Variants in MGAM observed in about 807,000 individuals in gnomAD.
MGAM encodes the protein alpha-1,4-glucosidase.
In MGAM, 253 loss-of-function variants were observed where a neutral mutation model predicts 358.8. The observed-to-expected ratio is 0.71, with a 90% CI of 0.64 to 0.78. The LOEUF (loss-of-function observed/expected upper bound fraction) is 0.78. Among genes scored for constraint, MGAM ranks in the 30% least tolerant of loss-of-function variants. The pLI is 0.00. For synonymous variants in MGAM, 1,105 were observed against 1,227.1 expected (o/e 0.90, Z 2.08); for missense variants, 3,080 against 3,432.6 (o/e 0.90, Z 2.57).
intron 42 of MGAM, among the ~76,000 whole-genome samples, chr7:142,067,941 T>TATATATATATATATATAA (rs1812915997): frequency 5.3e-5 from 2 of 37,478 alleles, no homozygotes; most frequent in African/African-American, 1.5e-4. Context: ...CTCAAATATA[T>TATATATATATATATATAA]ATATATATAT....
chr7:142,064,332 G>A (rs1261249678), intron 36 of MGAM, 52 bp from the exon 37 acceptor site: 1 of 1,573,322 alleles, frequency 6.4e-7, no homozygotes, highest in African/African-American at 1.4e-5. Context: ...AGAGAAGTCA[G>A]GGAGAAACAG....
rs757004173 is a variant in MGAM, at chr7:142,092,521, G to T, written c.6946G>T (p.Asp2316Tyr). The change falls in exon 59 of 71, where the codon GAT becomes TAT. Residue 2316 changes from aspartate (D) to tyrosine (Y), a missense_variant and splice_region_variant. Around this residue, in one of 5 missense-constraint regions of MGAM, gnomAD observed 932 missense variants for 1,198.2 expected, o/e 0.78. Coordinates refer to ENST00000475668, the MANE Select transcript of MGAM (RefSeq NM_001365693.1). Reference protein sequence around the residue: ...RSLKFDGMWIDMNEPSSFVNG... With the variant: ...RSLKFDGMWIYMNEPSSFVNG... ...GTATGTCTGTGTTTGGCATTTCTAG[G>T]ATATGAATGAACCATCAAGCTTCGT... 1.6e-5 allele frequency: 25 copies of T among 1,545,128 alleles called. 3 individuals carry two copies. Among genetic ancestry groups the T allele is most frequent in the Admixed American group, 3.5e-5 (2 of 57,174 alleles).
rs1197988019 is a variant in MGAM at position 142,076,186 on chromosome 7, C to T, written c.5276-17C>T. 22 of 1,537,694 alleles carry T rather than the reference C, an allele frequency of 1.4e-5. 6 individuals carry two copies. The highest frequency in any genetic ancestry group is 2.3e-5 in the East Asian group (1 of 43,872). On this transcript the variant is annotated splice_polypyrimidine_tract_variant and intron_variant, in intron 45 of 70. Coordinates refer to ENST00000475668, the MANE Select transcript of MGAM (RefSeq NM_001365693.1). ...GTGGGCAAGCCGGAGTCTGACTTGT[C>T]TTTCTGTCACTTTCAGATACTGTGG...
rs574395994 is a variant in MGAM, at chr7:142,092,008, G to C, written c.6906G>C (p.Gln2302His). ...REIEELYNNP[Q>H]NPERSLKFDG... The stretch of plus-strand genomic sequence containing the variant: ...TAGAAGAACTATACAACAATCCACA[G>C]AATCCAGAGAGGAGCTTGAAGTTTG... Residue 2302 changes from glutamine to histidine, a missense_variant, in exon 58 of 71, where the codon CAG becomes CAC. Physicochemically the swap from Gln to His is conservative, Grantham distance 24 (BLOSUM62 0). Transcript: ENST00000475668. The C allele has an allele frequency of 2.3e-4, 358 of 1,534,550 alleles. 11 individuals carry two copies. The African/African-American group carries it at 3.9e-3, about 17-fold the overall frequency.
In MGAM at chr7:142,058,257, C is replaced by G. The variant is rs377213841; in HGVS notation, c.3748C>G (p.Arg1250Gly). The change falls in exon 31 of 71, where the codon CGC (arginine) becomes GGC (glycine). Residue 1250 changes from arginine to glycine, a missense_variant. Around this residue, in one of 5 missense-constraint regions of MGAM, gnomAD observed 1,816 missense variants for 1,840.5 expected, o/e 0.99. Transcript: ENST00000475668. ...CTGGTCTTTGGGGTTCCAGCTGTGT[C>G]GCTATGGCTACCAGAATGACTCTGA... ...PYWSLGFQLC[R>G]YGYQNDSEIA... 6 of 1,613,838 alleles carry G rather than the reference C, an allele frequency of 3.7e-6. No individual in the cohort carries two copies. Among genetic ancestry groups the G allele is most frequent in the Non-Finnish European group, 5.1e-6 (6 of 1,179,814 alleles).
intron 10 of MGAM, among the ~76,000 whole-genome samples, chr7:142,028,845 G>A (rs947675924): frequency 4.0e-5 from 6 of 151,512 alleles, no homozygotes; most frequent in Admixed American, 3.3e-4. Flanking sequence ...ATTTGGCTGC[G>A]AGTCCCACTA....
intron 66 of MGAM, among the ~76,000 whole-genome samples, chr7:142,098,086 A>G (rs1816105456): frequency 6.6e-6 from 1 of 152,162 alleles, no homozygotes. Context: ...CATAGCATAG[A>G]TGCTCAAAGA....
At chr7:142,088,255 T>C (rs2129056440) in intron 57 of MGAM, among the ~76,000 whole-genome samples, 1 of 146,346 alleles carries the variant, frequency 6.8e-6, no homozygotes, top group South Asian at 2.2e-4. Flanking sequence ...GCTGCTTGGC[T>C]ATTGGACTGC....
intron 45 of MGAM, among the ~76,000 whole-genome samples, chr7:142,075,804 G>C (rs1813686250): frequency 6.9e-6 from 1 of 145,802 alleles, no homozygotes; most frequent in African/African-American, 2.4e-5. Context: ...TGAGGGTGTG[G>C]AGAAAATAGA....
chr7:142,036,677 G>C (rs1554465937), intron 17 of MGAM, 146 bp from the exon 18 acceptor site: 2 of 770,984 alleles, frequency 2.6e-6, no homozygotes, highest in African/African-American at 3.5e-5. Context: ...GAGACACTTG[G>C]TACTACTCAG....
Position 142,027,655 on chromosome 7 carries a change from C to G in MGAM, c.1141C>G (p.His381Asp). The G allele has an allele frequency of 6.2e-7, 1 of 1,613,756 alleles. No individual in the cohort carries two copies. The highest frequency in any genetic ancestry group is 8.5e-7 in the Non-Finnish European group (1 of 1,179,730). ...TCCCTCCTACTGGGCGCTTGGATTT[C>G]ACCTCAGTCGTTACGAATATGGAAC... ...ALPSYWALGF[H>D]LSRYEYGTLD... The change falls in exon 10 of 71, where the codon CAC (histidine) becomes GAC (aspartate). Residue 381 changes from histidine (H) to aspartate (D), a missense_variant. This residue lies in a region of MGAM where 1,816 missense variants were observed against 1,840.5 expected (regional missense o/e 0.99). Transcript: ENST00000475668.
rs866546773 is a variant in MGAM at position 142,070,061 on chromosome 7, C to T, written c.5062-933C>T. Among the ~76,000 whole-genome samples the T allele has an allele frequency of 3.5e-5, 5 of 144,402 alleles. 1 individual carries two copies. Among genetic ancestry groups the T allele is most frequent in the African/African-American group, 1.2e-4 (5 of 40,848 alleles). 94.7% of individuals were successfully genotyped at this position (144,402 alleles called of 152,430 possible). A position where few individuals can be genotyped will look rare whatever the true frequency, so the allele number is the denominator to read the frequency against. ...AAAAACAATTAGCCGGGTGTAGGGG[C>T]ATGCACCTGTAGTCCCAGCTACTCG... On this transcript the variant is annotated intron_variant, in intron 43 of 70. Coordinates refer to ENST00000475668, the MANE Select transcript of MGAM (RefSeq NM_001365693.1).
chr7:142,040,974 G>A (rs1808473136), intron 21 of MGAM, 128 bp downstream of exon 21: 4 of 1,127,750 alleles, frequency 3.5e-6, no homozygotes, highest in Middle Eastern at 2.7e-4. Flanking sequence ...TGCAGTTTTA[G>A]CACCAAAAGT....
intron 57 of MGAM, among the ~76,000 whole-genome samples, chr7:142,089,004 CTATCT>C (rs1480627303): frequency 1.4e-5 from 1 of 71,172 alleles, no homozygotes; most frequent in Non-Finnish European, 3.1e-5. Flanking sequence ...ATGTATCTAT[CTATCT>C]ATCTATCTAT....
At chr7:142,089,602 C>A (rs1815171523) in intron 57 of MGAM, among the ~76,000 whole-genome samples, 1 of 145,662 alleles carries the variant, frequency 6.9e-6, no homozygotes. Context: ...ATCAACCTGA[C>A]CACCATGGTG....
rs1451663530 is a variant in MGAM, at chr7:142,041,980, AT to A, written c.2498+1135del. Among the ~76,000 whole-genome samples, 31 of 22,858 alleles carry A rather than the reference AT, an allele frequency of 1.4e-3. 1 individual carries two copies. The highest frequency in any genetic ancestry group is 3.8e-3 in the African/African-American group (26 of 6,820). 15.0% of individuals were successfully genotyped at this position (22,858 alleles called of 152,430 possible). ...TATAATATATATATATTATATATAT[AT>A]AATATAATATATATATATTATATAT... On this transcript the variant is annotated intron_variant, in intron 21 of 70. Transcript: ENST00000475668.
intron 3 of MGAM, among the ~76,000 whole-genome samples, chr7:142,013,233 G>A (rs1554454940): frequency 1.3e-5 from 2 of 152,082 alleles, no homozygotes; most frequent in African/African-American, 4.8e-5. Context: ...AGAGGAGTCA[G>A]CACTGGGAAT....
chr7:142,041,924 AT>A lies in MGAM; in HGVS notation c.2498+1079del, dbSNP rs1244043816. Among the ~76,000 whole-genome samples, 3 of 30,176 alleles carry A rather than the reference AT, an allele frequency of 9.9e-5. 1 individual carries two copies. The highest frequency in any genetic ancestry group is 1.3e-3 in the Admixed American group (2 of 1,496). The allele number at this position is 30,176 out of a possible 152,430, so 19.8% of individuals were successfully genotyped here. A position where few individuals can be genotyped will look rare whatever the true frequency, so the allele number is the denominator to read the frequency against. On this transcript the variant is annotated intron_variant, in intron 21 of 70. Transcript: ENST00000475668. The stretch of plus-strand genomic sequence containing the variant: ...TATATATTATATATATACGTATAAT[AT>A]ATAATATATATATTATATATATACA...
intron 3 of MGAM, 64 bp downstream of exon 3, chr7:142,008,769 GT>G (rs1805371601): frequency 6.5e-7 from 1 of 1,531,758 alleles, no homozygotes; most frequent in South Asian, 1.2e-5. Flanking sequence ...ATTTTTTTTT[GT>G]TGTTTTGTTT....
Sources: allele counts gnomAD v4.1 joint callset (sites outside exome capture counted in the v4.1 genomes callset), GRCh38; gene constraint gnomAD v4.1.1; regional missense constraint gnomAD v4.1.1; transcripts MANE v1.5; gene names NCBI Gene and HGNC (gene_info 2026-07-23, HGNC 2026-07-21).